The following SLC6A16 variants were observed in gnomAD, a reference collection of about 807,000 sequenced individuals.
SLC6A16 encodes the protein orphan sodium- and chloride-dependent neurotransmitter transporter NTT5.
Under a neutral mutation model 65.4 loss-of-function variants are expected in SLC6A16, and 54 were observed. The observed-to-expected ratio is 0.83, with a 90% CI of 0.66 to 1.04. The LOEUF is 1.04. Among genes scored for constraint, SLC6A16 ranks in the 50% least tolerant of loss-of-function variants. The pLI, the probability that SLC6A16 is intolerant of heterozygous loss-of-function variation, is 0.00. For synonymous variants in SLC6A16, 330 were observed against 346.5 expected (o/e 0.95, Z 0.53); for missense variants, 816 against 914.0 (o/e 0.89, Z 1.38).
At chr19:49,325,655 A>C (rs74397427), upstream of SLC6A16, among the ~76,000 whole-genome samples, 2,689 of 152,294 alleles carry the variant, frequency 0.018, 77 homozygotes, top group African/African-American at 0.055. Flanking sequence ...TTAAAAACTC[A>C]AAGATTTACT....
Position 49,309,337 on chromosome 19 carries a change from C to T in SLC6A16, c.951G>A (p.Gly317=), listed in dbSNP as rs1353982810. The T allele has an allele frequency of 1.2e-6, 2 of 1,614,014 alleles. No homozygotes were observed. Among genetic ancestry groups the T allele is most frequent in the East Asian group, 2.2e-5 (1 of 44,880 alleles). Reference sequence around the variant, plus strand: ...CCAACTGTTGAAGGCCAAATTTTGCCCCTTCCAGGAGTAGAGTCCGGATGA... The same window carrying T: ...CCAACTGTTGAAGGCCAAATTTTGCTCCTTCCAGGAGTAGAGTCCGGATGA... ...GFFIRTLLLE[G]AKFGLQQLVV... is the part of the protein sequence containing the mutation. Residue 317 remains glycine, a synonymous_variant, in exon 6 of 12, where the codon GGG becomes GGA. Coordinates refer to ENST00000335875, the MANE Select transcript of SLC6A16 (RefSeq NM_014037.3).
chr19:49,327,290 G>A (rs1249767590), upstream of SLC6A16, among the ~76,000 whole-genome samples: 1 of 152,076 alleles, frequency 6.6e-6, no homozygotes, highest in Non-Finnish European at 1.5e-5. Context: ...AGCCTGCCAT[G>A]TTGGCCAGGC....
chr19:49,336,318 A>C, the SLC6A16 span: 1 of 158,852 alleles, frequency 6.3e-6, no homozygotes, highest in African/African-American at 2.4e-5. Context: ...CACTTTGGGA[A>C]GCCGAGGCAG....
chr19:49,299,028 G>A (rs140526746), intron 7 of SLC6A16, among the ~76,000 whole-genome samples: 5 of 151,630 alleles, frequency 3.3e-5, no homozygotes, highest in African/African-American at 9.7e-5. Context: ...GGCAGATCAC[G>A]AGGTCAGGAG....
chr19:49,334,047 C>A, the SLC6A16 span, among the ~76,000 whole-genome samples: 1 of 152,222 alleles, frequency 6.6e-6, no homozygotes, highest in African/African-American at 2.4e-5. Context: ...TCCCCACTCC[C>A]AGGGACCTTC....
intron 1 of SLC6A16, among the ~76,000 whole-genome samples, chr19:49,322,381 C>T (rs1443306239): frequency 6.6e-6 from 1 of 152,036 alleles, no homozygotes; most frequent in Non-Finnish European, 1.5e-5. Context: ...TGGCTCAAGC[C>T]TGTAATCCCA....
chr19:49,335,798 TG>T, the SLC6A16 span: 2 of 1,464,668 alleles, frequency 1.4e-6, no homozygotes, highest in Non-Finnish European at 9.6e-7. The surrounding 1 kb of genome is among the most constrained non-coding windows in gnomAD (Gnocchi z 4.6). Flanking sequence ...TGAGGGGGGC[TG>T]GGGCAGGTGG....
intron 7 of SLC6A16, among the ~76,000 whole-genome samples, chr19:49,304,482 T>C (rs1485156512): frequency 6.6e-6 from 1 of 152,210 alleles, no homozygotes; most frequent in African/African-American, 2.4e-5. Flanking sequence ...AAAACCTTTG[T>C]TGGCTGGGCG....
intron 1 of SLC6A16, among the ~76,000 whole-genome samples, chr19:49,319,520 T>C (rs2146168738): frequency 6.7e-6 from 1 of 150,172 alleles, no homozygotes; most frequent in African/African-American, 2.5e-5. Context: ...TGTGTATATG[T>C]ATATACATAT....
chr19:49,305,185 C>T (rs991584541), intron 7 of SLC6A16, among the ~76,000 whole-genome samples: 20 of 152,180 alleles, frequency 1.3e-4, no homozygotes, highest in African/African-American at 4.6e-4. Context: ...TGTGAGCTAC[C>T]ATGTGAAGAA....
rs763748878 is a variant in SLC6A16, at chr19:49,294,347, C to G, written c.1416+20G>C. ...GGCTTTCAGGAACTCTAGGCTCCCC[C>G]CTCAGCTATGTTTACTGACCTTAAG... On this transcript the variant is annotated intron_variant, in intron 8 of 11. Coordinates refer to ENST00000335875, the MANE Select transcript of SLC6A16 (RefSeq NM_014037.3). 1.8e-5 allele frequency: 29 copies of G among 1,611,372 alleles called. 1 individual carries two copies. Among genetic ancestry groups the G allele is most frequent in the South Asian group, 1.4e-4 (13 of 90,692 alleles).
chr19:49,340,129 T>G, the SLC6A16 span: 1 of 1,529,900 alleles, frequency 6.5e-7, no homozygotes, highest in South Asian at 1.1e-5. Context: ...ACCTATCCCC[T>G]TCTCCAGCCC....
In SLC6A16 at chr19:49,308,856, A is replaced by C. The variant is rs765453084; in HGVS notation, c.1229+20T>G. On this transcript the variant is annotated intron_variant, in intron 7 of 11. Transcript: ENST00000335875. ...AAAGTTCCCTGGAGCTGAGACCCTTAACAAAGGGGCCGGCCTTACCTCTCA... is the reference window on the plus strand; with the variant it reads ...AAAGTTCCCTGGAGCTGAGACCCTTCACAAAGGGGCCGGCCTTACCTCTCA... The C allele has an allele frequency of 1.9e-6, 3 of 1,613,370 alleles. No individual in the cohort carries two copies. The highest frequency in any genetic ancestry group is 2.5e-6 in the Non-Finnish European group (3 of 1,179,454).
intron 1 of SLC6A16, among the ~76,000 whole-genome samples, chr19:49,316,679 A>G (rs1450196819): frequency 6.6e-6 from 1 of 152,104 alleles, no homozygotes; most frequent in Non-Finnish European, 1.5e-5. Flanking sequence ...CACAATGAGG[A>G]GAAATTCCTG....
At chr19:49,310,621 G>A (rs1227600490) in intron 2 of SLC6A16, 111 bp from the exon 3 acceptor site, 2 of 1,150,152 alleles carry the variant, frequency 1.7e-6, no homozygotes, top group African/African-American at 1.5e-5. Context: ...CAGGGCCACA[G>A]GCATCAGGGC....
chr19:49,320,275 G>T (rs1970687745), intron 1 of SLC6A16, among the ~76,000 whole-genome samples: 1 of 152,018 alleles, frequency 6.6e-6, no homozygotes, highest in Non-Finnish European at 1.5e-5. Flanking sequence ...AGGCATGGTG[G>T]TGGGCGCCTG....
In SLC6A16 at chr19:49,290,107, A is replaced by C. The variant is rs1179816055; in HGVS notation, c.*16T>G. On this transcript the variant is annotated 3_prime_UTR_variant, in exon 12 of 12. Coordinates refer to ENST00000335875, the MANE Select transcript of SLC6A16 (RefSeq NM_014037.3). ...CTGTTCTAAGGGATATGTTATGTGAAGCCAAATTAATGAAGTTAGGAAGTC... is the reference window on the plus strand; with the variant it reads ...CTGTTCTAAGGGATATGTTATGTGACGCCAAATTAATGAAGTTAGGAAGTC... 2.5e-6 allele frequency: 4 copies of C among 1,611,112 alleles called. No homozygotes were observed. The highest frequency in any genetic ancestry group is 2.5e-6 in the Non-Finnish European group (3 of 1,178,608).
At position 49,319,009 on chromosome 19, in the gene SLC6A16, A is replaced by C. The variant is rs562112408; in HGVS notation, c.-65+6039T>G. Among the ~76,000 whole-genome samples the C allele has an allele frequency of 1.3e-3, 192 of 151,612 alleles. 1 individual carries two copies. The highest frequency in any genetic ancestry group is 4.5e-3 in the African/African-American group (187 of 41,352). ...ATTACAGGCATGAGCCTCCATGCCT[A>C]GCCATGATATATTTTAAACATCAAA... On this transcript the variant is annotated intron_variant, in intron 1 of 11. Coordinates refer to ENST00000335875, the MANE Select transcript of SLC6A16 (RefSeq NM_014037.3).
At chr19:49,335,842 G>T in the SLC6A16 span, 1 of 1,430,084 alleles carries the variant, frequency 7.0e-7, no homozygotes. The surrounding 1 kb of genome is among the most constrained non-coding windows in gnomAD (Gnocchi z 4.6). Context: ...AACTTCCTGG[G>T]GTCTCCCTTG....
Sources: gnomAD v4.1 joint callset for allele counts (sites outside exome capture counted in the v4.1 genomes callset) on GRCh38, gnomAD v4.1.1 for gene constraint, Gnocchi (gnomAD v3.1) non-coding constraint, MANE v1.5 for transcripts, NCBI Gene and HGNC (gene_info 2026-07-23, HGNC 2026-07-21) for gene names.